WWOX: variants seen among roughly 807,000 people sequenced by gnomAD.
WWOX encodes the protein WW domain containing oxidoreductase, also known as WW domain-containing oxidoreductase.
In WWOX, 69 loss-of-function variants were observed where a neutral mutation model predicts 46.2. The observed-to-expected ratio is 1.49, with a 90% CI of 1.23 to 1.82. WWOX has a LOEUF of 1.82. Among genes scored for constraint, WWOX ranks in the 40% most tolerant of loss-of-function variants. The probability of loss-of-function intolerance (pLI) is 0.00; values close to 1 mark genes in which losing one functional copy is unlikely to be tolerated. For synonymous variants in WWOX, 359 were observed against 202.6 expected, an observed-to-expected ratio of 1.77 and a Z score of -6.56; for missense variants, 919 against 542.6, an observed-to-expected ratio of 1.69 and a Z score of -6.89.
chr16:78,742,333 G>C (rs527288120), intron 8 of WWOX, among the ~76,000 whole-genome samples: 2 of 152,294 alleles, frequency 1.3e-5, no homozygotes, highest in East Asian at 3.9e-4. Context: ...GTGTCCTCTG[G>C]TGAAGGGCAG....
At position 78,099,830 on chromosome 16, in the gene WWOX, C is replaced by T. The variant is rs776553279; in HGVS notation, c.52C>T (p.Leu18=). ...GLDDTDSEDE[L]PPGWEERTTK... ...GGACGACACGGACAGTGAGGACGAG[C>T]TGCCTCCGGGCTGGGAGGAGAGAAC... Residue 18 remains leucine, a synonymous_variant, in exon 1 of 9, where the codon CTG becomes TTG. Transcript: ENST00000566780. 3 of 1,581,926 alleles carry T rather than the reference C, an allele frequency of 1.9e-6. No individual in the cohort carries two copies. Among genetic ancestry groups the T allele is most frequent in the East Asian group, 2.3e-5 (1 of 42,850 alleles).
intron 8 of WWOX, among the ~76,000 whole-genome samples, chr16:78,585,866 C>G (rs948330198): frequency 3.3e-5 from 5 of 151,818 alleles, no homozygotes; most frequent in African/African-American, 7.3e-5. Context: ...CTTTTATTGT[C>G]TTGTTCTCTC....
chr16:78,804,258 G>T (rs1194766837), intron 8 of WWOX, among the ~76,000 whole-genome samples: 2 of 151,866 alleles, frequency 1.3e-5, no homozygotes, highest in African/African-American at 2.4e-5. Flanking sequence ...AATTCTGAGG[G>T]CTGACACTGC....
At chr16:79,058,849 C>T (rs977807801) in intron 8 of WWOX, among the ~76,000 whole-genome samples, 2 of 152,116 alleles carry the variant, frequency 1.3e-5, no homozygotes, top group Non-Finnish European at 2.9e-5. Context: ...TTTTTATTTG[C>T]TAACTCTGGA....
intron 8 of WWOX, among the ~76,000 whole-genome samples, chr16:78,762,956 A>G: frequency 6.6e-6 from 1 of 152,192 alleles, no homozygotes; most frequent in South Asian, 2.1e-4. Flanking sequence ...TCACAACAAA[A>G]GGCTGGGGAA....
At chr16:78,382,593 C>T (rs984158118) in intron 5 of WWOX, among the ~76,000 whole-genome samples, 5 of 152,166 alleles carry the variant, frequency 3.3e-5, no homozygotes, top group Non-Finnish European at 7.4e-5. Context: ...ACCACTCTGA[C>T]GTACTAAAGG....
intron 5 of WWOX, among the ~76,000 whole-genome samples, chr16:78,235,993 A>G (rs535860391): frequency 1.3e-5 from 2 of 152,284 alleles, no homozygotes; most frequent in South Asian, 4.1e-4. Flanking sequence ...GCAACTTCTC[A>G]ACTCTCCTGT....
intron 5 of WWOX, among the ~76,000 whole-genome samples, chr16:78,195,551 G>A (rs9924436): frequency 2.0e-5 from 3 of 152,102 alleles, no homozygotes; most frequent in African/African-American, 7.2e-5. Flanking sequence ...AAAAAAAAGA[G>A]CGGCTCACAC....
At chr16:78,453,233 G>A (rs1312461111) in intron 8 of WWOX, among the ~76,000 whole-genome samples, 2 of 152,010 alleles carry the variant, frequency 1.3e-5, no homozygotes, top group East Asian at 1.9e-4. Flanking sequence ...ATAATAGCCT[G>A]GCCAATATGG....
intron 6 of WWOX, among the ~76,000 whole-genome samples, chr16:78,413,997 G>C (rs976986732): frequency 4.0e-5 from 6 of 151,768 alleles, no homozygotes; most frequent in African/African-American, 1.5e-4. Flanking sequence ...AAGTGAAATA[G>C]CCAGTTCTTG....
chr16:78,809,919 C>G (rs1454128424), intron 8 of WWOX, among the ~76,000 whole-genome samples: 1 of 152,214 alleles, frequency 6.6e-6, no homozygotes, highest in Non-Finnish European at 1.5e-5. Context: ...GTTCCACACT[C>G]ACCTTCTCAA....
chr16:78,731,493 T>G (rs1452287215), intron 8 of WWOX, among the ~76,000 whole-genome samples: 1 of 152,218 alleles, frequency 6.6e-6, no homozygotes, highest in Non-Finnish European at 1.5e-5. Flanking sequence ...GCCTCTGTTC[T>G]TTCTTGTTTC....
At chr16:78,699,524 G>C (rs545128144) in intron 8 of WWOX, among the ~76,000 whole-genome samples, 49 of 152,316 alleles carry the variant, frequency 3.2e-4, no homozygotes, top group African/African-American at 1.1e-3. Context: ...GGGTGACAGA[G>C]TGAGACCCTG....
At chr16:78,627,486 T>G (rs138237180) in intron 8 of WWOX, among the ~76,000 whole-genome samples, 2,046 of 152,308 alleles carry the variant, frequency 0.013, 50 homozygotes, top group East Asian at 0.055. Context: ...TGTGATCCTG[T>G]AAGTCTTTGA....
chr16:78,863,851 C>T (rs556276743), intron 8 of WWOX, among the ~76,000 whole-genome samples: 2 of 152,276 alleles, frequency 1.3e-5, no homozygotes, highest in South Asian at 2.1e-4. Context: ...TGCTATTGTA[C>T]AATATATGGT....
intron 8 of WWOX, among the ~76,000 whole-genome samples, chr16:78,605,651 C>G (rs1468468629): frequency 6.6e-6 from 1 of 152,180 alleles, no homozygotes; most frequent in East Asian, 1.9e-4. Context: ...ACTCAGCTAT[C>G]CAGAATTACA....
intron 8 of WWOX, among the ~76,000 whole-genome samples, chr16:78,772,835 A>T (rs2050097075): frequency 6.6e-6 from 1 of 152,148 alleles, no homozygotes; most frequent in Admixed American, 6.5e-5. Flanking sequence ...CCTGGACAAC[A>T]TAGCGTGAAC....
At chr16:78,718,719 A>C (rs1182139378) in intron 8 of WWOX, among the ~76,000 whole-genome samples, 1 of 152,100 alleles carries the variant, frequency 6.6e-6, no homozygotes, top group Non-Finnish European at 1.5e-5. Context: ...ATAGCTTAGG[A>C]GAGTTCCAAT....
At chr16:78,371,849 T>A (rs1484393906) in intron 5 of WWOX, among the ~76,000 whole-genome samples, 3 of 152,236 alleles carry the variant, frequency 2.0e-5, no homozygotes, top group African/African-American at 7.2e-5. Flanking sequence ...TTTAATCATG[T>A]GTGTTAGGTA....
Sources: allele counts gnomAD v4.1 joint callset (sites outside exome capture counted in the v4.1 genomes callset), GRCh38; gene constraint gnomAD v4.1.1; transcripts MANE v1.5; gene names NCBI Gene and HGNC (gene_info 2026-07-23, HGNC 2026-07-21).